NEK11: variants seen among roughly 807,000 people sequenced by gnomAD.
NEK11 encodes the protein NIMA related kinase 11, also known as serine/threonine-protein kinase Nek11.
A neutral mutation model predicts 80.7 loss-of-function variants in NEK11; 72 were observed. The observed-to-expected ratio is 0.89, with a 90% CI of 0.74 to 1.08. The LOEUF is 1.08. Ranked by LOEUF, NEK11 falls within the 50% of genes least tolerant of loss-of-function variation. The pLI, the probability that NEK11 is intolerant of heterozygous loss-of-function variation, is 0.00. For synonymous variants in NEK11, 251 were observed against 260.7 expected, an observed-to-expected ratio of 0.96 and a Z score of 0.36; for missense variants, 764 against 763.6, an observed-to-expected ratio of 1.00 and a Z score of -0.01.
intron 5 of NEK11, among the ~76,000 whole-genome samples, chr3:131,132,488 C>T (rs2084674234): frequency 6.6e-6 from 1 of 151,946 alleles, no homozygotes; most frequent in South Asian, 2.1e-4. Context: ...AAAATATAGC[C>T]TATTGAAATA....
intron 5 of NEK11, among the ~76,000 whole-genome samples, chr3:131,118,403 G>A (rs557087535): frequency 3.3e-5 from 5 of 152,208 alleles, no homozygotes; most frequent in South Asian, 2.1e-4. Flanking sequence ...TTTTTGCATC[G>A]ATGTTCCTCA....
At chr3:131,247,839 G>GTT (rs34755844) in intron 16 of NEK11, among the ~76,000 whole-genome samples, 228 of 143,450 alleles carry the variant, frequency 1.6e-3, no homozygotes, top group South Asian at 5.2e-3. Context: ...TATTCCTAGG[G>GTT]TTTTTTTTTT....
chr3:131,288,082 C>T (rs2096495163), intron 17 of NEK11, among the ~76,000 whole-genome samples: 1 of 152,238 alleles, frequency 6.6e-6, no homozygotes, highest in South Asian at 2.1e-4. Context: ...ACTGAATCCA[C>T]CCATTTCATG....
intron 4 of NEK11, among the ~76,000 whole-genome samples, chr3:131,107,321 C>CA (rs2079343539): frequency 6.6e-6 from 1 of 151,684 alleles, no homozygotes; most frequent in African/African-American, 2.4e-5. Flanking sequence ...ATTGGGTTGA[C>CA]ATACGTCGTG....
intron 14 of NEK11, among the ~76,000 whole-genome samples, chr3:131,180,797 G>T (rs2093303634): frequency 1.3e-5 from 2 of 152,112 alleles, no homozygotes; most frequent in South Asian, 4.1e-4. Context: ...CCATTTCAGA[G>T]GTGTTCAAAT....
At chr3:131,168,054 G>T (rs1465549792) in intron 12 of NEK11, among the ~76,000 whole-genome samples, 1 of 152,176 alleles carries the variant, frequency 6.6e-6, no homozygotes, top group Non-Finnish European at 1.5e-5. Context: ...GCTGGTTCAG[G>T]CCCACAGACT....
chr3:131,106,311 C>T (rs1205576959), intron 4 of NEK11, among the ~76,000 whole-genome samples: 9 of 144,944 alleles, frequency 6.2e-5, no homozygotes, highest in South Asian at 2.1e-4. Context: ...TCCCATCCTT[C>T]GTAAGAATGT....
intron 17 of NEK11, among the ~76,000 whole-genome samples, chr3:131,291,508 TAAAAC>T (rs2096543391): frequency 6.6e-6 from 1 of 152,102 alleles, no homozygotes; most frequent in Non-Finnish European, 1.5e-5. Context: ...AAAAACAAAA[TAAAAC>T]AAGAAATCCT....
At chr3:131,304,824 G>C (rs1031149215) in intron 17 of NEK11, among the ~76,000 whole-genome samples, 10 of 152,148 alleles carry the variant, frequency 6.6e-5, no homozygotes, top group Admixed American at 5.2e-4. Flanking sequence ...TTGGGGCAAT[G>C]GCAGTGGGAT....
chr3:131,115,902 TTTTCTTTCTTTCTTTCTTTC>T (rs201604189), intron 5 of NEK11, among the ~76,000 whole-genome samples: 1,335 of 70,246 alleles, frequency 0.019, 23 homozygotes, highest in East Asian at 0.035. Context: ...AAAGGTAGTG[TTTTCTTTCTTTCTTTCTTTC>T]TTTCTTTCTT....
intron 14 of NEK11, among the ~76,000 whole-genome samples, chr3:131,171,971 G>A (rs2092720194): frequency 6.6e-6 from 1 of 152,144 alleles, no homozygotes; most frequent in African/African-American, 2.4e-5. Context: ...TTATATAAAA[G>A]AAAATAGGAA....
At chr3:131,169,013 T>C in intron 13 of NEK11, 76 bp downstream of exon 13, 3 of 1,136,262 alleles carry the variant, frequency 2.6e-6, no homozygotes, top group Non-Finnish European at 3.9e-6. Flanking sequence ...GGAAAGAAAA[T>C]GGGAAGCCGA....
At chr3:131,158,826 A>G (rs954460333) in intron 10 of NEK11, among the ~76,000 whole-genome samples, 10 of 152,198 alleles carry the variant, frequency 6.6e-5, no homozygotes, top group Non-Finnish European at 1.0e-4. Flanking sequence ...TGGCACATGC[A>G]AGCAAGGATG....
intron 16 of NEK11, among the ~76,000 whole-genome samples, chr3:131,265,584 A>G (rs866021424): frequency 6.6e-6 from 1 of 152,176 alleles, no homozygotes; most frequent in Non-Finnish European, 1.5e-5. Context: ...TGTAGTGGAT[A>G]AGCTTTTTGA....
chr3:131,284,829 A>G (rs1229938766), intron 17 of NEK11, among the ~76,000 whole-genome samples: 2 of 152,174 alleles, frequency 1.3e-5, no homozygotes, highest in East Asian at 3.8e-4. Context: ...GGGGCTCTCA[A>G]GCCTTCGGCC....
At chr3:131,115,200 A>G (rs956973917) in intron 5 of NEK11, among the ~76,000 whole-genome samples, 2 of 152,192 alleles carry the variant, frequency 1.3e-5, no homozygotes, top group African/African-American at 4.8e-5. Flanking sequence ...CTGCCTCACT[A>G]CTTAAGCTAG....
chr3:131,047,416 T>C (rs2067574143), intron 3 of NEK11, among the ~76,000 whole-genome samples: 1 of 152,200 alleles, frequency 6.6e-6, no homozygotes, highest in Non-Finnish European at 1.5e-5. Context: ...ATCAGAGAAA[T>C]GATCTGGGGC....
chr3:131,109,452 G>T (rs1367613803), intron 4 of NEK11: 1 of 161,710 alleles, frequency 6.2e-6, no homozygotes. Context: ...CTATCTTCAG[G>T]CATTGGCTGG....
At chr3:131,067,993 TTC>T (rs1397745830) in intron 3 of NEK11, among the ~76,000 whole-genome samples, 1 of 152,176 alleles carries the variant, frequency 6.6e-6, no homozygotes, top group Non-Finnish European at 1.5e-5. Flanking sequence ...AGTTCCAGTG[TTC>T]TCATCTGTAA....
Sources: gnomAD v4.1 joint callset for allele counts (sites outside exome capture counted in the v4.1 genomes callset) on GRCh38, gnomAD v4.1.1 for gene constraint, MANE v1.5 for transcripts, NCBI Gene and HGNC (gene_info 2026-07-23, HGNC 2026-07-21) for gene names.